The following SLC11A2 variants were observed in gnomAD, a reference collection of about 807,000 sequenced individuals.
SLC11A2 encodes natural resistance-associated macrophage protein 2.
SLC11A2 carries 38 observed loss-of-function variants against 68.0 expected under a neutral mutation model. The ratio of observed to expected loss-of-function variants is 0.56; its 90% CI spans 0.43 to 0.73. The LOEUF is 0.73. Among genes scored for constraint, SLC11A2 ranks in the 30% least tolerant of loss-of-function variants. The pLI is 0.00. For missense variants in SLC11A2, 517 were observed against 690.5 expected (o/e 0.75, Z 2.82); for synonymous variants, 242 against 250.6 (o/e 0.97, Z 0.32).
chr12:50,994,034 C>T (rs1242244782), intron 11 of SLC11A2, among the ~76,000 whole-genome samples: 1 of 129,082 alleles, frequency 7.7e-6, no homozygotes, highest in Non-Finnish European at 1.7e-5. Flanking sequence ...GTGTATACTG[C>T]ATCTTTTTTT....
rs1318489642 is a variant in SLC11A2 at position 50,996,913 on chromosome 12, A to G, written c.735T>C (p.Cys245=). Residue 245 remains cysteine (C), a synonymous_variant, in exon 9 of 16, where the codon TGT becomes TGC. Coordinates refer to ENST00000262052, the MANE Select transcript of SLC11A2 (RefSeq NM_000617.3). ...CAATCTGTGGAGTGCGACAGCCTGA[A>G]CAGGATGGTACGAACATGCCCTTGA... is the stretch of plus-strand genomic sequence containing the variant. ...QVLKGMFVPS[C]SGCRTPQIEQ... 6.2e-7 allele frequency: 1 copy of G among 1,613,984 alleles called. No individual in the cohort carries two copies. Among genetic ancestry groups the G allele is most frequent in the Non-Finnish European group, 8.5e-7 (1 of 1,179,986 alleles).
At chr12:51,016,275 G>A (rs1300066683) in intron 1 of SLC11A2, among the ~76,000 whole-genome samples, 1 of 151,914 alleles carries the variant, frequency 6.6e-6, no homozygotes, top group Non-Finnish European at 1.5e-5. Flanking sequence ...GGCCGGACAC[G>A]GTGGCTCACA....
chr12:50,954,177 T>C, the SLC11A2 span: 2 of 805,766 alleles, frequency 2.5e-6, no homozygotes, highest in Non-Finnish European at 4.1e-6. Flanking sequence ...GAAATGTTTC[T>C]TATAATTGAA....
the SLC11A2 span, among the ~76,000 whole-genome samples, chr12:50,955,217 C>A: frequency 2.0e-5 from 3 of 152,004 alleles, no homozygotes; most frequent in Non-Finnish European, 4.4e-5. Context: ...CACTTGAACC[C>A]GGGAGGTAGA....
chr12:51,005,249 G>C (rs1942620364), intron 4 of SLC11A2, 62 bp downstream of exon 4: 3 of 1,570,954 alleles, frequency 1.9e-6, no homozygotes, highest in Non-Finnish European at 1.8e-6. Flanking sequence ...ATGCAGGGTG[G>C]AGAAAAGGAT....
chr12:50,998,414 T>C (rs1190910836), intron 8 of SLC11A2, among the ~76,000 whole-genome samples: 1 of 152,142 alleles, frequency 6.6e-6, no homozygotes, highest in Non-Finnish European at 1.5e-5. Context: ...ATAGAATCAA[T>C]TTTTATTATC....
In SLC11A2 at chr12:51,023,994, G is replaced by A. The variant is rs78789853; in HGVS notation, c.-39+2316C>T. Among the ~76,000 whole-genome samples, 37 of 152,206 alleles carry A rather than the reference G, an allele frequency of 2.4e-4. 1 individual carries two copies. In the East Asian group the frequency reaches 7.0e-3, roughly 29 times the overall value. ...TTACAGAGCCAGACCTTGTCTTGTG[G>A]GGGGTGGGAGGGGAAGTCTTGAACT... On this transcript the variant is annotated intron_variant, in intron 1 of 15. Transcript: ENST00000262052.
the SLC11A2 span, among the ~76,000 whole-genome samples, chr12:50,956,450 A>C: frequency 6.6e-6 from 1 of 152,220 alleles, no homozygotes; most frequent in African/African-American, 2.4e-5. Flanking sequence ...TCATTTTAAC[A>C]ATATCTACTA....
chr12:51,005,802 C>T, intron 3 of SLC11A2: 1 of 651,908 alleles, frequency 1.5e-6, no homozygotes, highest in African/African-American at 1.9e-5. Context: ...TATAGTCCAA[C>T]TACTTGGGAC....
At chr12:51,021,809 G>C (rs911686783) in intron 1 of SLC11A2, among the ~76,000 whole-genome samples, 2 of 152,156 alleles carry the variant, frequency 1.3e-5, no homozygotes, top group Non-Finnish European at 2.9e-5. Flanking sequence ...GGAGGGGGGA[G>C]GAAGATGTAA....
intron 15 of SLC11A2, 99 bp downstream of exon 15, chr12:50,990,696 C>G (rs532617738): frequency 1.6e-6 from 2 of 1,250,618 alleles, no homozygotes; most frequent in Admixed American, 3.6e-5. Context: ...AGGCATGAGC[C>G]ACTGTGCCCA....
At chr12:50,961,251 TG>T in the SLC11A2 span, 1 of 849,128 alleles carries the variant, frequency 1.2e-6, no homozygotes, top group Non-Finnish European at 1.8e-6. Flanking sequence ...GTTGAGGTTG[TG>T]GCCCAGTTGT....
chr12:51,016,005 G>T (rs1452945441), intron 1 of SLC11A2, among the ~76,000 whole-genome samples: 1 of 151,440 alleles, frequency 6.6e-6, no homozygotes, highest in Non-Finnish European at 1.5e-5. Flanking sequence ...GGATGGTCTC[G>T]ATCTCCTGAC....
chr12:50,986,827 C>T lies in SLC11A2; in HGVS notation c.*1498G>A. The stretch of plus-strand genomic sequence containing the variant: ...TACCCTTAAATGCCTTATAAAAGAC[C>T]ATCCATCCAGTCTGCGCTTTTGACT... On this transcript the variant is annotated 3_prime_UTR_variant, in exon 16 of 16. Coordinates refer to ENST00000262052, the MANE Select transcript of SLC11A2 (RefSeq NM_000617.3). The T allele has an allele frequency of 2.3e-6, 3 of 1,287,058 alleles. No individual in the cohort carries two copies. Among genetic ancestry groups the T allele is most frequent in the Non-Finnish European group, 2.0e-6 (2 of 988,646 alleles). 79.7% of individuals were successfully genotyped at this position (1,287,058 alleles called of 1,614,324 possible). A position where few individuals can be genotyped will look rare whatever the true frequency, so the allele number is the denominator to read the frequency against.
rs977970702 is a variant in SLC11A2 at position 51,021,497 on chromosome 12, C to T, written c.-39+4813G>A. ...AATAATTAGCCAGGCAGTAGTGGCA[C>T]GTGCCTGTAATCCCAGCTACTTGGG... On this transcript the variant is annotated intron_variant, in intron 1 of 15. Transcript: ENST00000262052. 2.0e-5 allele frequency among the ~76,000 whole-genome samples: 3 copies of T among 152,082 alleles called. No homozygotes were observed. In the South Asian group the frequency reaches 6.2e-4, roughly 32 times the overall value.
the SLC11A2 span, among the ~76,000 whole-genome samples, chr12:50,957,216 C>CA: frequency 6.9e-6 from 1 of 145,872 alleles, no homozygotes; most frequent in Non-Finnish European, 1.5e-5. Context: ...GCTTTTTTTT[C>CA]TTTTTTTTTT....
intron 1 of SLC11A2, among the ~76,000 whole-genome samples, chr12:51,016,421 C>T (rs1242113433): frequency 6.6e-6 from 1 of 151,956 alleles, no homozygotes; most frequent in Admixed American, 6.6e-5. Context: ...CAGTGGCTCA[C>T]GCCTGTAATC....
At chr12:51,001,703 A>T (rs1324644791) in intron 5 of SLC11A2, among the ~76,000 whole-genome samples, 1 of 151,938 alleles carries the variant, frequency 6.6e-6, no homozygotes, top group African/African-American at 2.4e-5. Flanking sequence ...GCATGATGGC[A>T]TACACCTGTA....
At chr12:50,963,856 C>G in the SLC11A2 span, among the ~76,000 whole-genome samples, 1 of 152,148 alleles carries the variant, frequency 6.6e-6, no homozygotes, top group African/African-American at 2.4e-5. Context: ...ATAAGCCTAC[C>G]ACTGTCCAGC....
Sources: allele counts gnomAD v4.1 joint callset (sites outside exome capture counted in the v4.1 genomes callset), GRCh38; gene constraint gnomAD v4.1.1; transcripts MANE v1.5; gene names NCBI Gene and HGNC (gene_info 2026-07-23, HGNC 2026-07-21).